Variants in ADGRF5 observed in about 807,000 individuals in gnomAD.
The protein encoded by ADGRF5 is adhesion G protein-coupled receptor F5, also known as G-protein coupled receptor 116.
Under a neutral mutation model 132.3 loss-of-function variants are expected in ADGRF5, and 75 were observed. The ratio of observed to expected loss-of-function variants is 0.57; its 90% CI spans 0.47 to 0.69. The LOEUF is 0.69. Among genes scored for constraint, ADGRF5 ranks in the 30% least tolerant of loss-of-function variants. The pLI, the probability that ADGRF5 is intolerant of heterozygous loss-of-function variation, is 0.00. For missense variants in ADGRF5, 1,516 were observed against 1,630.6 expected, an observed-to-expected ratio of 0.93 and a Z score of 1.21; for synonymous variants, 629 against 597.6, an observed-to-expected ratio of 1.05 and a Z score of -0.77.
intron 14 of ADGRF5, chr6:46,863,313 C>T (rs931446919): frequency 1.2e-5 from 8 of 657,116 alleles, no homozygotes; most frequent in African/African-American, 7.1e-5. Context: ...TCGGAACTTC[C>T]TTTTCCTAAC....
chr6:46,884,151 T>C lies in ADGRF5; in HGVS notation c.449A>G (p.His150Arg). 6.2e-7 allele frequency: 1 copy of C among 1,614,142 alleles called. No homozygotes were observed. The change falls in exon 5 of 21, where the codon CAT becomes CGT. Residue 150 changes from histidine to arginine, a missense_variant. His to Arg is a conservative substitution (Grantham distance 29, BLOSUM62 0). This residue lies in a region of ADGRF5 where 945 missense variants were observed against 929.4 expected (regional missense o/e 1.02). Coordinates refer to ENST00000283296, the MANE Select transcript of ADGRF5 (RefSeq NM_001098518.2). Reference protein sequence around the residue: ...QERDVFLPGHHCSCLKELPPN... With the variant: ...QERDVFLPGHRCSCLKELPPN... ...AGGCAGTTCTTTAAGGCAACTGCAA[T>C]GGTGCCCTGGGAGGAAGACGTCACG...
intron 4 of ADGRF5, 75 bp from the exon 5 acceptor site, chr6:46,884,346 G>T (rs891252584): frequency 8.6e-7 from 1 of 1,167,238 alleles, no homozygotes. Context: ...TAGCCTGCAG[G>T]TATTCATTCT....
At position 46,858,766 on chromosome 6, in the gene ADGRF5, G is replaced by A. The variant is rs746080715; in HGVS notation, c.3137C>T (p.Thr1046Ile). The part of the protein sequence containing the change: ...VVWKSVTKNR[T>I]SYMRHTCIVN... ...TATGCAGGTGTGGCGCATATAAGAA[G>A]TCCGGTTCTTGGTCACCGATTTCCA... The change falls in exon 17 of 21, where the codon ACT becomes ATT. Residue 1046 changes from threonine (T) to isoleucine (I), a missense_variant. By Grantham distance (89) the Thr-to-Ile change is moderately conservative. Transcript: ENST00000283296. 7.4e-6 allele frequency: 12 copies of A among 1,613,670 alleles called. No homozygotes were observed. Among genetic ancestry groups the A allele is most frequent in the Non-Finnish European group, 1.0e-5 (12 of 1,179,870 alleles).
chr6:46,914,109 G>A (rs1776221056), intron 1 of ADGRF5, among the ~76,000 whole-genome samples: 1 of 152,152 alleles, frequency 6.6e-6, no homozygotes, highest in South Asian at 2.1e-4. Flanking sequence ...TTTAATGGTG[G>A]ATGATAGATG....
chr6:46,911,916 G>A (rs1775987110), intron 1 of ADGRF5, among the ~76,000 whole-genome samples: 1 of 152,110 alleles, frequency 6.6e-6, no homozygotes, highest in African/African-American at 2.4e-5. Context: ...AACTATGACT[G>A]TGAAAGTGCT....
At chr6:46,910,184 G>C (rs1056497834) in intron 1 of ADGRF5, among the ~76,000 whole-genome samples, 1 of 152,152 alleles carries the variant, frequency 6.6e-6, no homozygotes, top group Non-Finnish European at 1.5e-5. Flanking sequence ...AACTCCAAGA[G>C]ATCTACCAAT....
chr6:46,869,158 G>A, intron 11 of ADGRF5, 66 bp from the exon 12 acceptor site: 2 of 1,549,466 alleles, frequency 1.3e-6, no homozygotes, highest in South Asian at 2.3e-5. Context: ...TATCTCTGGG[G>A]ACATTAACAT....
chr6:46,854,665 G>A lies in ADGRF5; in HGVS notation c.3962-594C>T. 7 of 1,056,958 alleles carry A rather than the reference G, an allele frequency of 6.6e-6. No homozygotes were observed. In the South Asian group the frequency reaches 9.2e-5, roughly 14 times the overall value. 65.5% of individuals were successfully genotyped at this position (1,056,958 alleles called of 1,614,324 possible). ...GAGGTGGGGACTGTGCACAGGGAGT[G>A]GGCAGAGAGTGTGTGTCGGGCAAGA... On this transcript the variant is annotated intron_variant, in intron 20 of 20. Transcript: ENST00000283296.
chr6:46,954,472 C>T (rs1002162858), intron 1 of ADGRF5, among the ~76,000 whole-genome samples: 4 of 151,466 alleles, frequency 2.6e-5, no homozygotes, highest in African/African-American at 4.9e-5. Flanking sequence ...GAGATTTGCA[C>T]TCCAAAGAAA....
intron 14 of ADGRF5, among the ~76,000 whole-genome samples, 197 bp downstream of exon 14, chr6:46,864,845 A>G (rs1385776940): frequency 6.6e-6 from 1 of 152,158 alleles, no homozygotes; most frequent in Non-Finnish European, 1.5e-5. Flanking sequence ...TTTATCACAT[A>G]GATTTCTTCC....
Position 46,888,513 on chromosome 6 carries a change from G to A in ADGRF5, c.158-8C>T. 3.1e-6 allele frequency: 5 copies of A among 1,597,692 alleles called. No homozygotes were observed. Among genetic ancestry groups the A allele is most frequent in the Non-Finnish European group, 4.3e-6 (5 of 1,164,800 alleles). On this transcript the variant is annotated splice_polypyrimidine_tract_variant and splice_region_variant and intron_variant, in intron 3 of 20. Transcript: ENST00000283296. ...TAGGACTTTTTGTGGCAACTGCAAT[G>A]AAAGCACATGAAGGCTGAGAGAACT... is the stretch of plus-strand genomic sequence containing the variant.
chr6:46,880,262 G>A (rs1470141587), intron 8 of ADGRF5, among the ~76,000 whole-genome samples: 1 of 152,048 alleles, frequency 6.6e-6, no homozygotes, highest in Non-Finnish European at 1.5e-5. Flanking sequence ...TCCCGACTGG[G>A]GTGTTTGCCC....
rs1211538912 is a variant in ADGRF5 at position 46,884,264 on chromosome 6, T to C, written c.336A>G (p.Arg112=). ...ILSINVTTVC[R]PAGNEIWCSC... ...AGCACCAGATTTCATTTCCAGCAGGTCTGCAGACTATCGTTAATCAGAACA... is the reference window on the plus strand; with the variant it reads ...AGCACCAGATTTCATTTCCAGCAGGCCTGCAGACTATCGTTAATCAGAACA... Residue 112 remains arginine, a synonymous_variant, in exon 5 of 21, where the codon AGA becomes AGG. Transcript: ENST00000283296. 6.2e-7 allele frequency: 1 copy of C among 1,613,114 alleles called. No homozygotes were observed. The highest frequency in any genetic ancestry group is 2.2e-5 in the East Asian group (1 of 44,830).
chr6:46,953,649 GTGTA>G (rs56770844), intron 1 of ADGRF5, among the ~76,000 whole-genome samples: 4,069 of 91,396 alleles, frequency 0.045, 340 homozygotes, highest in East Asian at 0.12. Context: ...ATAGATATAT[GTGTA>G]TATATATATA....
Position 46,858,078 on chromosome 6 carries a change from T to C in ADGRF5, c.3774+51A>G, listed in dbSNP as rs757565103. 7 of 1,339,992 alleles carry C rather than the reference T, an allele frequency of 5.2e-6. No individual in the cohort carries two copies. In the East Asian group the frequency reaches 1.6e-4, roughly 31 times the overall value. 83.0% of individuals were successfully genotyped at this position (1,339,992 alleles called of 1,614,324 possible). On this transcript the variant is annotated intron_variant, in intron 17 of 20. Coordinates refer to ENST00000283296, the MANE Select transcript of ADGRF5 (RefSeq NM_001098518.2). ...TCTTGTTTGTGTTTCTATCATTAAT[T>C]TGTCCTACAGGAATAAAATCTTCCT...
chr6:46,897,661 G>A (rs183958759), intron 3 of ADGRF5, among the ~76,000 whole-genome samples: 46 of 151,540 alleles, frequency 3.0e-4, no homozygotes, highest in African/African-American at 9.7e-4. Context: ...TGCAACCTCC[G>A]CCTCCCGGGT....
intron 1 of ADGRF5, among the ~76,000 whole-genome samples, chr6:46,936,234 C>A (rs1364474756): frequency 6.6e-6 from 1 of 152,180 alleles, no homozygotes; most frequent in Non-Finnish European, 1.5e-5. Context: ...ATGCCCAAGG[C>A]CTTCCTCCCT....
intron 1 of ADGRF5, among the ~76,000 whole-genome samples, chr6:46,936,133 C>T (rs948213453): frequency 1.3e-5 from 2 of 152,198 alleles, no homozygotes; most frequent in African/African-American, 4.8e-5. Flanking sequence ...ATCTTCACAA[C>T]ACTGCATTCT....
rs192942031 is a variant in ADGRF5 at position 46,910,595 on chromosome 6, C to T, written c.-24-3809G>A. 2.9e-3 allele frequency among the ~76,000 whole-genome samples: 439 copies of T among 152,144 alleles called. 1 individual carries two copies. The highest frequency in any genetic ancestry group is 5.6e-3 in the Non-Finnish European group (383 of 68,016). On this transcript the variant is annotated intron_variant, in intron 1 of 20. Coordinates refer to ENST00000283296, the MANE Select transcript of ADGRF5 (RefSeq NM_001098518.2). ...AAGGATGATTAATTCACTGAGGCCA[C>T]ACAGCTGATAGACGGTAGTGGCAAA...
Sources: gnomAD v4.1 joint callset for allele counts (sites outside exome capture counted in the v4.1 genomes callset) on GRCh38, gnomAD v4.1.1 for gene constraint, gnomAD v4.1.1 regional missense constraint, MANE v1.5 for transcripts, NCBI Gene and HGNC (gene_info 2026-07-23, HGNC 2026-07-21) for gene names.